Variants in CEP76 observed in about 807,000 individuals in gnomAD.
CEP76 encodes the protein centrosomal protein 76, also known as centrosomal protein of 76 kDa.
CEP76 carries 55 observed loss-of-function variants against 83.3 expected under a neutral mutation model. The observed-to-expected ratio is 0.66, with a 90% CI of 0.53 to 0.83. CEP76 has a LOEUF of 0.83. Ranked by LOEUF, CEP76 falls within the 40% of genes least tolerant of loss-of-function variation. The pLI, the probability that CEP76 is intolerant of heterozygous loss-of-function variation, is 0.00. For missense variants in CEP76, 694 were observed against 799.5 expected (o/e 0.87, Z 1.59); for synonymous variants, 270 against 274.5 (o/e 0.98, Z 0.16).
At chr18:12,681,830 T>C (rs2039359178) in intron 8 of CEP76, among the ~76,000 whole-genome samples, 3 of 151,882 alleles carry the variant, frequency 2.0e-5, no homozygotes, top group Admixed American at 2.0e-4. Context: ...TAAAGACCTA[T>C]AAAAAAATAG....
At position 12,673,497 on chromosome 18, in the gene CEP76, A is replaced by G. The variant is rs1473453157; in HGVS notation, c.1848T>C (p.Pro616=). The G allele has an allele frequency of 6.3e-7, 1 of 1,576,730 alleles. No homozygotes were observed. The highest frequency in any genetic ancestry group is 8.6e-7 in the Non-Finnish European group (1 of 1,169,008). ...GGCAACAGATTATTTCTTCACAGAA[A>G]GGAGATCTATTTAAGAAAAAAAAAA... ...RRAFATCLRS[P]FCEEIICCRG... Residue 616 remains proline (P), a synonymous_variant, in exon 12 of 12, where the codon CCT becomes CCC. Transcript: ENST00000262127.
Position 12,673,081 on chromosome 18 carries a change from T to C in CEP76, c.*284A>G, listed in dbSNP as rs189200681. Reference sequence around the variant, plus strand: ...GAAAACTGAATGCATTTTATATTAATATTTAAACTACTGATAACTGTAAAC... The same window carrying C: ...GAAAACTGAATGCATTTTATATTAACATTTAAACTACTGATAACTGTAAAC... On this transcript the variant is annotated 3_prime_UTR_variant, in exon 12 of 12. Transcript: ENST00000262127. 9.0e-6 allele frequency: 9 copies of C among 1,004,742 alleles called. No homozygotes were observed. The African/African-American group carries it at 1.0e-4, about 12-fold the overall frequency. The allele number at this position is 1,004,742 out of a possible 1,614,324, so 62.2% of individuals were successfully genotyped here.
intron 9 of CEP76, among the ~76,000 whole-genome samples, chr18:12,679,652 T>C (rs2039275705): frequency 6.6e-6 from 1 of 152,148 alleles, no homozygotes; most frequent in South Asian, 2.1e-4. Flanking sequence ...TAAAGTACTT[T>C]AAAAAATGTG....
At position 12,672,666 on chromosome 18, in the gene CEP76, C is replaced by T. The variant is rs2031823047; in HGVS notation, c.*699G>A. The T allele has an allele frequency of 2.0e-6, 2 of 981,272 alleles. No individual in the cohort carries two copies. The highest frequency in any genetic ancestry group is 2.4e-6 in the Non-Finnish European group (2 of 826,146). 60.8% of individuals were successfully genotyped at this position (981,272 alleles called of 1,614,324 possible). On this transcript the variant is annotated 3_prime_UTR_variant, in exon 12 of 12. Transcript: ENST00000262127. ...AGATCACAATTTATCAGTATCATAA[C>T]AAAGAGGTATAATAAAGTTTTTCTA...
chr18:12,671,899 C>T (rs2038956884), downstream of CEP76, among the ~76,000 whole-genome samples: 1 of 152,120 alleles, frequency 6.6e-6, no homozygotes, highest in Non-Finnish European at 1.5e-5. Context: ...TGGCTCATCA[C>T]AACCTCCGCC....
At chr18:12,689,339 T>C (rs1226008129) in intron 7 of CEP76, among the ~76,000 whole-genome samples, 1 of 152,164 alleles carries the variant, frequency 6.6e-6, no homozygotes, top group East Asian at 1.9e-4. Flanking sequence ...TTACTCTATG[T>C]ATATGGAAAG....
At chr18:12,699,506 C>T (rs933210675) in intron 3 of CEP76, among the ~76,000 whole-genome samples, 4 of 152,130 alleles carry the variant, frequency 2.6e-5, no homozygotes, top group African/African-American at 9.7e-5. Flanking sequence ...CATTCCTCCA[C>T]CTTCACAAAC....
chr18:12,697,569 A>G (rs1178710399), intron 4 of CEP76, among the ~76,000 whole-genome samples, 161 bp from the exon 5 acceptor site: 1 of 152,270 alleles, frequency 6.6e-6, no homozygotes, highest in Non-Finnish European at 1.5e-5. Context: ...AAATACAAGT[A>G]CAGTCCTATT....
chr18:12,670,151 G>A (rs937431354), downstream of CEP76, among the ~76,000 whole-genome samples: 3 of 151,946 alleles, frequency 2.0e-5, no homozygotes, highest in Non-Finnish European at 4.4e-5. Flanking sequence ...GCAACAAGGT[G>A]AAACCCCTCT....
rs1202337763 is a variant in CEP76 at position 12,694,492 on chromosome 18, G to A, written c.804+762C>T. Among the ~76,000 whole-genome samples the A allele has an allele frequency of 4.6e-5, 7 of 152,262 alleles. No individual in the cohort carries two copies. In the South Asian group the frequency reaches 1.0e-3, roughly 23 times the overall value. ...AATCTGCCGATCTTTTAAGACCCAG[G>A]AAGAAAGTAATTCATCAGAGACCTG... On this transcript the variant is annotated intron_variant, in intron 6 of 11. Coordinates refer to ENST00000262127, the MANE Select transcript of CEP76 (RefSeq NM_024899.4).
In CEP76 at chr18:12,701,133, T is replaced by C; in HGVS notation, c.64-20A>G. On this transcript the variant is annotated intron_variant, in intron 1 of 11. Transcript: ENST00000262127. ...ATCCATCTATGTAGAAAACTCATAT[T>C]ACAATTTATAACATCACAAAGCAGT... 1.3e-6 allele frequency: 2 copies of C among 1,591,900 alleles called. No individual in the cohort carries two copies. Among genetic ancestry groups the C allele is most frequent in the Non-Finnish European group, 1.7e-6 (2 of 1,166,894 alleles).
At chr18:12,686,682 G>A in intron 7 of CEP76, 1 of 353,242 alleles carries the variant, frequency 2.8e-6, no homozygotes, top group Non-Finnish European at 5.2e-6. Context: ...ATGCAACAGA[G>A]CCAGGTTCAA....
intron 3 of CEP76, among the ~76,000 whole-genome samples, chr18:12,699,541 C>T (rs756753471): frequency 1.3e-5 from 2 of 152,154 alleles, no homozygotes; most frequent in Non-Finnish European, 2.9e-5. Context: ...ATCAATTCAG[C>T]AAGTGTATTT....
rs771886830 is a variant in CEP76, at chr18:12,680,691, G to A, written c.1260C>T (p.Ile420=). The A allele has an allele frequency of 1.2e-6, 2 of 1,610,304 alleles. No individual in the cohort carries two copies. The highest frequency in any genetic ancestry group is 4.5e-5 in the East Asian group (2 of 44,676). ...WVMTCGTDGA[I]TFWESLTGHR... is the part of the protein sequence containing the mutation. ...GTCCTGTTAAACTCTCCCAAAAAGT[G>A]ATGGCCCCATCAGTTCCACAAGTCA... The change falls in exon 9 of 12, where the codon ATC becomes ATT. Residue 420 remains isoleucine, a synonymous_variant. Transcript: ENST00000262127.
At chr18:12,692,300 A>C (rs2039794598) in intron 6 of CEP76, 1 of 150,980 alleles carries the variant, frequency 6.6e-6, no homozygotes, top group African/African-American at 2.4e-5. Context: ...TGGGCGATAG[A>C]GTGAGACTCT....
intron 2 of CEP76, 109 bp downstream of exon 2, chr18:12,700,849 T>TAA: frequency 1.3e-6 from 1 of 767,946 alleles, no homozygotes; most frequent in Non-Finnish European, 2.1e-6. Flanking sequence ...AGAATGACCT[T>TAA]GAAGTGGTTT....
chr18:12,701,625 GCAC>G (rs1014534191), intron 1 of CEP76, among the ~76,000 whole-genome samples: 3 of 152,154 alleles, frequency 2.0e-5, no homozygotes, highest in African/African-American at 7.2e-5. Context: ...GCACACAAGG[GCAC>G]CATAAATGGT....
upstream of CEP76, chr18:12,702,743 C>T (rs1228424021): frequency 1.6e-6 from 1 of 616,812 alleles, no homozygotes. Context: ...GCGGCGGCGG[C>T]GCCAACTGTT....
intron 12 of CEP76, among the ~76,000 whole-genome samples, chr18:12,665,845 C>T (rs1460902436): frequency 3.9e-5 from 6 of 152,134 alleles, no homozygotes; most frequent in South Asian, 2.1e-4. Flanking sequence ...TTACAGATCA[C>T]GCCACCACAC....
Sources: allele counts gnomAD v4.1 joint callset (sites outside exome capture counted in the v4.1 genomes callset), GRCh38; gene constraint gnomAD v4.1.1; transcripts MANE v1.5; gene names NCBI Gene and HGNC (gene_info 2026-07-23, HGNC 2026-07-21).